The following INTS4 variants were observed in gnomAD, a reference collection of about 807,000 sequenced individuals.
INTS4 encodes the protein MSTP093.
In INTS4, 70 loss-of-function variants were observed where a neutral mutation model predicts 119.5. The ratio of observed to expected loss-of-function variants is 0.59; its 90% CI spans 0.48 to 0.71. The LOEUF (loss-of-function observed/expected upper bound fraction) is 0.71. Among genes scored for constraint, INTS4 ranks in the 30% least tolerant of loss-of-function variants. The pLI is 0.00. For synonymous variants in INTS4, 316 were observed against 419.6 expected (o/e 0.75, Z 3.02); for missense variants, 867 against 1,173.2 (o/e 0.74, Z 3.81).
At position 77,961,125 on chromosome 11, in the gene INTS4, G is replaced by A. The variant is rs1240253749; in HGVS notation, c.485C>T (p.Thr162Met). 4.7e-6 allele frequency: 7 copies of A among 1,483,834 alleles called. No individual in the cohort carries two copies. The highest frequency in any genetic ancestry group is 2.5e-5 in the South Asian group (2 of 80,340). The allele number at this position is 1,483,834 out of a possible 1,614,324, so 91.9% of individuals were successfully genotyped here. A position where few individuals can be genotyped will look rare whatever the true frequency, so the allele number is the denominator to read the frequency against. ...VDVACKHLTD[T>M]SHGVRNKCLQ... Reference sequence around the variant, plus strand: ...GCACTTATTTCTTACACCATGAGACGTATCTGTCAGATGCTATTAAAAAAA... The same window carrying A: ...GCACTTATTTCTTACACCATGAGACATATCTGTCAGATGCTATTAAAAAAA... The change falls in exon 5 of 23, where the codon ACG becomes ATG. Residue 162 changes from threonine (T) to methionine (M), a missense_variant. Coordinates refer to ENST00000534064, the MANE Select transcript of INTS4 (RefSeq NM_033547.4).
intron 15 of INTS4, chr11:77,910,961 G>A (rs955052829): frequency 1.1e-5 from 14 of 1,275,982 alleles, no homozygotes; most frequent in African/African-American, 3.1e-5. Context: ...AATGGAAACT[G>A]TGGGAAACCT....
rs754029951 is a variant in INTS4 at position 77,891,831 on chromosome 11, G to A, written c.2298C>T (p.Ile766=). ...TGTCCTGCAAGTGGGGCAAATCAGC[G>A]ATGAAATACCTGGAGGAACAAACAG... ...QEVDFFQRYF[I]ADLPHLQDSF... is the part of the protein sequence containing the mutation. The change falls in exon 20 of 23, where the codon ATC becomes ATT. Residue 766 remains isoleucine, a synonymous_variant. Transcript: ENST00000534064. 1.2e-5 allele frequency: 20 copies of A among 1,611,242 alleles called. No individual in the cohort carries two copies. The highest frequency in any genetic ancestry group is 3.3e-5 in the Admixed American group (2 of 59,974).
chr11:77,887,372 A>AC (rs750194970), intron 21 of INTS4, among the ~76,000 whole-genome samples: 1 of 152,050 alleles, frequency 6.6e-6, no homozygotes, highest in Non-Finnish European at 1.5e-5. Flanking sequence ...AAATTCAACA[A>AC]CCTTCATGCT....
chr11:77,926,195 A>G (rs1376038763), intron 11 of INTS4, among the ~76,000 whole-genome samples: 2 of 151,930 alleles, frequency 1.3e-5, no homozygotes, highest in Non-Finnish European at 2.9e-5. Context: ...GCAGGAAAAA[A>G]AAAAGGCAAA....
chr11:77,972,730 C>T (rs954303552), intron 4 of INTS4, among the ~76,000 whole-genome samples: 1 of 151,902 alleles, frequency 6.6e-6, no homozygotes, highest in African/African-American at 2.4e-5. Flanking sequence ...ACTCTCAATT[C>T]TATTCCATTT....
chr11:77,907,959 A>G, intron 15 of INTS4, 149 bp from the exon 16 acceptor site: 1 of 574,346 alleles, frequency 1.7e-6, no homozygotes, highest in Non-Finnish European at 3.0e-6. Context: ...TGGTTATAAT[A>G]AAATTGGTTC....
At chr11:77,897,838 T>C (rs893906578) in intron 18 of INTS4, among the ~76,000 whole-genome samples, 2 of 151,906 alleles carry the variant, frequency 1.3e-5, no homozygotes, top group Non-Finnish European at 2.9e-5. Context: ...ACATAGGGTC[T>C]TGTTCTGTTG....
intron 4 of INTS4, among the ~76,000 whole-genome samples, chr11:77,976,576 G>T (rs929184563): frequency 1.3e-5 from 2 of 152,090 alleles, no homozygotes; most frequent in Admixed American, 1.3e-4. Context: ...CCATTACTGG[G>T]TATATACCCA....
At chr11:77,903,641 G>A (rs757919786) in intron 16 of INTS4, 21 bp from the exon 17 acceptor site, 9 of 1,597,224 alleles carry the variant, frequency 5.6e-6, no homozygotes, top group East Asian at 2.2e-5. Context: ...AAATCAGGAG[G>A]GAACAGAATA....
intron 1 of INTS4, among the ~76,000 whole-genome samples, chr11:77,991,718 G>A (rs537602139): frequency 1.3e-5 from 2 of 152,136 alleles, no homozygotes; most frequent in East Asian, 3.9e-4. Context: ...ACCTATCTCT[G>A]AGGATTGTGG....
intron 14 of INTS4, among the ~76,000 whole-genome samples, chr11:77,920,258 C>CATATATACACAT (rs1953322948): frequency 1.4e-5 from 2 of 142,500 alleles, no homozygotes; most frequent in South Asian, 4.3e-4. Flanking sequence ...TACATATATA[C>CATATATACACAT]ATATATACAC....
At chr11:77,955,145 G>A (rs1047297360) in intron 8 of INTS4, among the ~76,000 whole-genome samples, 3 of 152,024 alleles carry the variant, frequency 2.0e-5, no homozygotes, top group East Asian at 3.9e-4. Context: ...TTCAAGACCA[G>A]CCTGGGCACA....
downstream of INTS4, among the ~76,000 whole-genome samples, chr11:77,878,133 T>G (rs909491999): frequency 6.6e-6 from 1 of 152,040 alleles, no homozygotes; most frequent in African/African-American, 2.4e-5. Flanking sequence ...GAGGCCAAGG[T>G]GGGCAGATCA....
At chr11:77,924,032 TG>T (rs1953432651) in intron 12 of INTS4, among the ~76,000 whole-genome samples, 2 of 149,694 alleles carry the variant, frequency 1.3e-5, no homozygotes, top group South Asian at 2.1e-4. Flanking sequence ...CCCAAAGTGC[TG>T]GGATTATAGG....
intron 13 of INTS4, among the ~76,000 whole-genome samples, 156 bp downstream of exon 13, chr11:77,922,185 GCCACTGCACTCCAGC>G (rs1233462368): frequency 6.7e-6 from 1 of 150,240 alleles, no homozygotes; most frequent in Non-Finnish European, 1.5e-5. Context: ...CCGAGATCAG[GCCACTGCACTCCAGC>G]CTGGGTGACA....
At position 77,895,358 on chromosome 11, in the gene INTS4, T is replaced by A. The variant is rs980741582; in HGVS notation, c.2229-1009A>T. ...AAGAGAATGATGTCAAGGTTTAGTCTTTTTATTAAAATATAGTCTCCATGA... is the reference window on the plus strand; with the variant it reads ...AAGAGAATGATGTCAAGGTTTAGTCATTTTATTAAAATATAGTCTCCATGA... On this transcript the variant is annotated intron_variant, in intron 18 of 22. Transcript: ENST00000534064. Among the ~76,000 whole-genome samples, 4 of 151,940 alleles carry A rather than the reference T, an allele frequency of 2.6e-5. No homozygotes were observed. In the East Asian group the frequency reaches 7.7e-4, roughly 29 times the overall value.
At chr11:77,884,108 T>C (rs1474312512) in intron 21 of INTS4, among the ~76,000 whole-genome samples, 156 bp from the exon 22 acceptor site, 1 of 152,196 alleles carries the variant, frequency 6.6e-6, no homozygotes, top group Non-Finnish European at 1.5e-5. Flanking sequence ...TGTAGACATC[T>C]CTATTCCCCT....
At chr11:77,924,675 G>A in intron 12 of INTS4, 75 bp downstream of exon 12, 2 of 1,403,112 alleles carry the variant, frequency 1.4e-6, no homozygotes, top group Non-Finnish European at 2.0e-6. Context: ...AATCTATAAG[G>A]ACGGAACAAA....
chr11:77,900,300 C>T (rs559497784), intron 18 of INTS4, among the ~76,000 whole-genome samples: 59 of 152,082 alleles, frequency 3.9e-4, no homozygotes, highest in East Asian at 2.9e-3. Flanking sequence ...AGGGTTTCAC[C>T]ATGTTAGCCA....
Sources: allele counts gnomAD v4.1 joint callset (sites outside exome capture counted in the v4.1 genomes callset), GRCh38; gene constraint gnomAD v4.1.1; transcripts MANE v1.5; gene names NCBI Gene and HGNC (gene_info 2026-07-23, HGNC 2026-07-21).